ANO7: variants seen among roughly 807,000 people sequenced by gnomAD.
ANO7 encodes the protein anoctamin 7.
A neutral mutation model predicts 115.8 loss-of-function variants in ANO7; 114 were observed. That is an observed-to-expected ratio of 0.98 (90% CI 0.85 to 1.15). ANO7 has a LOEUF of 1.15. ANO7 is among the 50% of genes most tolerant of loss of function. ANO7 has a pLI of 0.00. For synonymous variants in ANO7, 550 were observed against 498.2 expected (o/e 1.10, Z -1.38); for missense variants, 1,302 against 1,201.2 (o/e 1.08, Z -1.24).
chr2:241,222,967 C>G (rs527569926), intron 21 of ANO7, among the ~76,000 whole-genome samples: 1 of 152,312 alleles, frequency 6.6e-6, no homozygotes, highest in South Asian at 2.1e-4. Flanking sequence ...GGGGACAACC[C>G]AGCACATCCA....
At chr2:241,195,601 CATGG>C in intron 3 of ANO7, 98 bp from the exon 4 acceptor site, 1 of 1,159,164 alleles carries the variant, frequency 8.6e-7, no homozygotes, top group Non-Finnish European at 1.2e-6. Flanking sequence ...TGTCCAAGTG[CATGG>C]CTCCCCACTG....
At position 241,218,296 on chromosome 2, in the gene ANO7, C is replaced by T. The variant is rs775914484; in HGVS notation, c.2236C>T (p.Arg746Cys). ...GCCGCGCGCCTACTACCGGTGGACCCGCGCCCACGACCTGCGCGGCTTCCT... is the reference window on the plus strand; with the variant it reads ...GCCGCGCGCCTACTACCGGTGGACCTGCGCCCACGACCTGCGCGGCTTCCT... ...FLPRAYYRWT[R>C]AHDLRGFLNF... Residue 746 changes from arginine (R) to cysteine (C), a missense_variant, in exon 21 of 25, where the codon CGC becomes TGC. Arg to Cys is a radical substitution (Grantham distance 180). Transcript: ENST00000674324. 1.3e-6 allele frequency: 2 copies of T among 1,536,206 alleles called. No homozygotes were observed. The highest frequency in any genetic ancestry group is 1.9e-5 in the Admixed American group (1 of 53,480).
At chr2:241,227,009 T>C (rs956643181), downstream of ANO7, among the ~76,000 whole-genome samples, 1 of 151,032 alleles carries the variant, frequency 6.6e-6, no homozygotes, top group African/African-American at 2.4e-5. Context: ...GAGTGGCAGG[T>C]GCTGCTCCAC....
intron 3 of ANO7, among the ~76,000 whole-genome samples, chr2:241,191,532 C>A (rs556389046): frequency 6.6e-6 from 1 of 152,206 alleles, no homozygotes; most frequent in East Asian, 1.9e-4. Flanking sequence ...CCTCCACCAT[C>A]CTCCAGCTGT....
chr2:241,208,443 C>G (rs1272854447), intron 11 of ANO7, among the ~76,000 whole-genome samples: 1 of 152,344 alleles, frequency 6.6e-6, no homozygotes, highest in East Asian at 1.9e-4. Flanking sequence ...CTCCACCTGG[C>G]CTTCCCTTCT....
At position 241,203,695 on chromosome 2, in the gene ANO7, C is replaced by T. The variant is rs921268806; in HGVS notation, c.889+197C>T. 2.2e-4 allele frequency among the ~76,000 whole-genome samples: 34 copies of T among 152,140 alleles called. No individual in the cohort carries two copies. Among genetic ancestry groups the T allele is most frequent in the Non-Finnish European group, 2.6e-4 (18 of 68,012 alleles). The stretch of plus-strand genomic sequence containing the variant: ...CTCTAACTGGGCGCCATGACGATGC[C>T]GGGCCCTGGCCTCCTAATGCTCCAG... On this transcript the variant is annotated intron_variant, in intron 9 of 24. Transcript: ENST00000674324. The surrounding 1 kb of genome is among the most constrained non-coding windows in gnomAD (Gnocchi z 4.8).
chr2:241,223,438 C>A (rs1257163098), intron 22 of ANO7, 162 bp downstream of exon 22: 1 of 1,055,986 alleles, frequency 9.5e-7, no homozygotes, highest in South Asian at 1.3e-5. Flanking sequence ...CCCTGCCTGG[C>A]CTCATCCCTG....
In ANO7 at chr2:241,212,149, C is replaced by T; in HGVS notation, c.1617C>T (p.Ile539=). The T allele has an allele frequency of 6.2e-7, 1 of 1,614,182 alleles. No homozygotes were observed. Among genetic ancestry groups the T allele is most frequent in the Non-Finnish European group, 8.5e-7 (1 of 1,180,016 alleles). ...FEDAFTLKVF[I]FQFVNFYSSP... ...ACGCCTTCACCCTCAAGGTGTTCAT[C>T]TTCCAGTTCGTCAACTTCTACTCCT... Residue 539 remains isoleucine, a synonymous_variant, in exon 16 of 25, where the codon ATC becomes ATT. Coordinates refer to ENST00000674324, the MANE Select transcript of ANO7 (RefSeq NM_001370694.2).
chr2:241,228,274 G>A (rs183014750), downstream of ANO7: 1 of 152,452 alleles, frequency 6.6e-6, no homozygotes, highest in Non-Finnish European at 1.5e-5. Flanking sequence ...CAGAAAACCA[G>A]AGACTAGGGC....
rs2068741353 is a variant in ANO7, at chr2:241,212,597, C to T, written c.1699C>T (p.His567Tyr). Residue 567 changes from histidine (H) to tyrosine (Y), a missense_variant, in exon 17 of 25, where the codon CAC becomes TAC. His to Tyr is a moderately conservative substitution (Grantham distance 83, BLOSUM62 2). Transcript: ENST00000674324. ...GRFVGYPGNY[H>Y]TLFGVRNEEC... ...GTTTGTGGGATACCCAGGCAACTACCACACCTTGTTTGGAGTCCGCAATGA... is the reference window on the plus strand; with the variant it reads ...GTTTGTGGGATACCCAGGCAACTACTACACCTTGTTTGGAGTCCGCAATGA... The T allele has an allele frequency of 6.2e-7, 1 of 1,613,466 alleles. No individual in the cohort carries two copies. The highest frequency in any genetic ancestry group is 8.5e-7 in the Non-Finnish European group (1 of 1,179,778).
chr2:241,203,425 G>A lies in ANO7; in HGVS notation c.816G>A (p.Trp272Ter). The stretch of plus-strand genomic sequence containing the variant: ...AGCACTGGGCGCGCTGGGGCAAGTG[G>A]AACAAGTACCAGCCCCTGGACCACG... ...LFQHWARWGK[W>*]NKYQPLDHVR... Residue 272 changes from tryptophan to a stop codon, truncating the protein, a stop_gained, in exon 9 of 25, where the codon TGG (tryptophan) becomes TGA (stop). Coordinates refer to ENST00000674324, the MANE Select transcript of ANO7 (RefSeq NM_001370694.2). LOFTEE classifies it high-confidence loss of function. This position sits in a 1 kb window ranked among gnomAD's most constrained non-coding sequence, Gnocchi z 4.8. 1 of 1,596,038 alleles carries A rather than the reference G, an allele frequency of 6.3e-7. No individual in the cohort carries two copies.
chr2:241,238,481 A>G, the ANO7 span: 1 of 504,464 alleles, frequency 2.0e-6, no homozygotes, highest in Non-Finnish European at 3.4e-6. The surrounding 1 kb of genome is among the most constrained non-coding windows in gnomAD (Gnocchi z 4.9). Flanking sequence ...GACGTGGTCC[A>G]TCTTTTAAAG....
chr2:241,209,300 G>C lies in ANO7; in HGVS notation c.1093G>C (p.Asp365His). 6.4e-7 allele frequency: 1 copy of C among 1,557,400 alleles called. No individual in the cohort carries two copies. Among genetic ancestry groups the C allele is most frequent in the Non-Finnish European group, 8.7e-7 (1 of 1,151,412 alleles). Reference sequence around the variant, plus strand: ...CCTGCCACAGGCCGGCCGGCTGTTCGACCACGGCGGCACCGTGTTCTTCAG... The same window carrying C: ...CCTGCCACAGGCCGGCCGGCTGTTCCACCACGGCGGCACCGTGTTCTTCAG... Reference protein sequence around the residue: ...CALAQAGRLFDHGGTVFFSLF... With the variant: ...CALAQAGRLFHHGGTVFFSLF... The change falls in exon 12 of 25, where the codon GAC (aspartate) becomes CAC (histidine). Residue 365 changes from aspartate (D) to histidine (H), a missense_variant. Physicochemically the swap from Asp to His is moderately conservative, Grantham distance 81 (BLOSUM62 -1). Transcript: ENST00000674324.
intron 17 of ANO7, 26 bp downstream of exon 17, chr2:241,212,652 G>A: frequency 1.2e-6 from 2 of 1,604,530 alleles, no homozygotes; most frequent in Non-Finnish European, 1.7e-6. Flanking sequence ...GCCCGGGACT[G>A]GGGGATGAGC....
the ANO7 span, chr2:241,235,414 G>A: frequency 6.2e-6 from 9 of 1,463,406 alleles, no homozygotes; most frequent in African/African-American, 7.0e-5. Flanking sequence ...ACAGGAAGTT[G>A]AGAAAGGACA....
At position 241,214,903 on chromosome 2, in the gene ANO7, G is replaced by T. The variant is rs148954456; in HGVS notation, c.1826+1G>T. ...ACAACATGCAGGAGGTCCTCATCCC[G>T]TGAGTCCCCCACTCCTCCCTGGGTG... On this transcript the variant is annotated splice_donor_variant, in intron 18 of 24. Coordinates refer to ENST00000674324, the MANE Select transcript of ANO7 (RefSeq NM_001370694.2). LOFTEE classifies it high-confidence loss of function. 38 of 1,611,642 alleles carry T rather than the reference G, an allele frequency of 2.4e-5. No individual in the cohort carries two copies. Among genetic ancestry groups the T allele is most frequent in the Non-Finnish European group, 3.2e-5 (38 of 1,179,748 alleles).
the ANO7 span, chr2:241,236,663 G>C: frequency 1.8e-4 from 294 of 1,614,032 alleles, 1 homozygote; most frequent in Non-Finnish European, 2.4e-4. Context: ...GGCCAGAGAT[G>C]ATGATGATGT....
chr2:241,202,612 C>T (rs560043352), intron 8 of ANO7, among the ~76,000 whole-genome samples: 2 of 152,210 alleles, frequency 1.3e-5, no homozygotes, highest in South Asian at 2.1e-4. Flanking sequence ...CTGGGAAAGA[C>T]AGTGAGGTCT....
At chr2:241,222,264 AAATAAAT>A (rs1203850822) in intron 21 of ANO7, among the ~76,000 whole-genome samples, 1 of 150,602 alleles carries the variant, frequency 6.6e-6, no homozygotes, top group African/African-American at 2.5e-5. Flanking sequence ...ATAAATAAAT[AAATAAAT>A]AAAGTGCTGG....
Sources: gnomAD v4.1 joint callset for allele counts (sites outside exome capture counted in the v4.1 genomes callset) on GRCh38, gnomAD v4.1.1 for gene constraint, Gnocchi (gnomAD v3.1) non-coding constraint, MANE v1.5 for transcripts, NCBI Gene and HGNC (gene_info 2026-07-23, HGNC 2026-07-21) for gene names.